ARSG: variants seen among roughly 807,000 people sequenced by gnomAD.
The protein encoded by ARSG is ASG.
Under a neutral mutation model 50.5 loss-of-function variants are expected in ARSG, and 37 were observed. The observed-to-expected ratio is 0.73, with a 90% CI of 0.56 to 0.96. ARSG has a LOEUF of 0.96. ARSG is among the 50% of genes least tolerant of loss of function. The pLI is 0.00. For synonymous variants in ARSG, 225 were observed against 254.6 expected (o/e 0.88, Z 1.11); for missense variants, 629 against 675.3 (o/e 0.93, Z 0.76).
At chr17:68,386,357 C>T (rs574189544) in intron 9 of ARSG, among the ~76,000 whole-genome samples, 2 of 152,248 alleles carry the variant, frequency 1.3e-5, no homozygotes, top group South Asian at 2.1e-4. Flanking sequence ...TGAGTTCTGG[C>T]GTAAAGAACA....
At chr17:68,308,317 T>A (rs540855348) in intron 2 of ARSG, among the ~76,000 whole-genome samples, 1 of 151,914 alleles carries the variant, frequency 6.6e-6, no homozygotes, top group East Asian at 1.9e-4. Flanking sequence ...ACGTCTGGAG[T>A]TTGTTCCTTC....
intron 11 of ARSG, among the ~76,000 whole-genome samples, chr17:68,414,683 A>G (rs186344779): frequency 2.2e-4 from 34 of 151,342 alleles, no homozygotes; most frequent in Non-Finnish European, 4.0e-4. Context: ...GTTGTTGGTA[A>G]TTTAAAAATT....
the ARSG span, chr17:68,444,559 A>C: frequency 6.2e-6 from 10 of 1,614,012 alleles, no homozygotes; most frequent in Non-Finnish European, 8.5e-6. Context: ...TTGTGAATAT[A>C]AATGGACTCT....
In ARSG at chr17:68,367,813, G is replaced by A. The variant is rs1268199738; in HGVS notation, c.705-735G>A. The stretch of plus-strand genomic sequence containing the variant: ...TGGCCAGGCACAGTGGCTCACGCCT[G>A]TAATCCCAGCACTTTGGGAGGCCGA... On this transcript the variant is annotated intron_variant, in intron 6 of 11. Coordinates refer to ENST00000621439, the MANE Select transcript of ARSG (RefSeq NM_001267727.2). This position sits in a 1 kb window ranked among gnomAD's most constrained non-coding sequence, Gnocchi z 4.5. 6.6e-6 allele frequency among the ~76,000 whole-genome samples: 1 copy of A among 152,202 alleles called. No homozygotes were observed. The highest frequency in any genetic ancestry group is 1.5e-5 in the Non-Finnish European group (1 of 68,036).
intron 2 of ARSG, among the ~76,000 whole-genome samples, chr17:68,332,951 A>C (rs544203800): frequency 6.6e-6 from 1 of 152,326 alleles, no homozygotes; most frequent in African/African-American, 2.4e-5. Context: ...CTTATGACTT[A>C]ATGTATGTGA....
chr17:68,273,408 A>T (rs1234498064), intron 1 of ARSG, among the ~76,000 whole-genome samples: 1 of 152,006 alleles, frequency 6.6e-6, no homozygotes, highest in East Asian at 1.9e-4. Flanking sequence ...TTTTGTAGAG[A>T]TGGAGTCTCC....
intron 3 of ARSG, among the ~76,000 whole-genome samples, chr17:68,345,646 C>G (rs566139525): frequency 6.6e-6 from 1 of 152,208 alleles, no homozygotes; most frequent in African/African-American, 2.4e-5. Context: ...TTTTACAACA[C>G]TCACACTTTG....
chr17:68,368,889 G>A, intron 7 of ARSG, 145 bp downstream of exon 7: 3 of 943,820 alleles, frequency 3.2e-6, no homozygotes, highest in Non-Finnish European at 4.7e-6. Context: ...AAGGCTTGCT[G>A]GCCTGAATGC....
intron 5 of ARSG, among the ~76,000 whole-genome samples, chr17:68,355,264 C>T (rs947363636): frequency 6.6e-6 from 1 of 152,172 alleles, no homozygotes; most frequent in Admixed American, 6.5e-5. Flanking sequence ...AAGTAACTTG[C>T]CAGAGATCAT....
At chr17:68,292,410 A>G (rs544630980) in intron 1 of ARSG, among the ~76,000 whole-genome samples, 1 of 152,290 alleles carries the variant, frequency 6.6e-6, no homozygotes, top group South Asian at 2.1e-4. Context: ...GGAGCTCCTC[A>G]TGGGGACAAA....
rs1568506660 is a variant in ARSG, at chr17:68,352,114, A to AG, written c.566+428_566+429insG. Among the ~76,000 whole-genome samples, 26 of 82,956 alleles carry AG rather than the reference A, an allele frequency of 3.1e-4. 2 individuals carry two copies. Among genetic ancestry groups the AG allele is most frequent in the African/African-American group, 1.2e-3 (24 of 20,540 alleles). The allele number at this position is 82,956 out of a possible 152,430, so 54.4% of individuals were successfully genotyped here. A position where few individuals can be genotyped will look rare whatever the true frequency, so the allele number is the denominator to read the frequency against. ...GAGAGAGAGAGAGAGAGAGAGAGAG[A>AG]CAGAGGAGAGAGAGAGAGAGAGACA... On this transcript the variant is annotated intron_variant, in intron 5 of 11. Transcript: ENST00000621439.
chr17:68,421,580 G>A (rs765765190), downstream of ARSG: 27 of 664,130 alleles, frequency 4.1e-5, no homozygotes, highest in Non-Finnish European at 4.6e-5. Flanking sequence ...AATGTCTCCC[G>A]CGCCCATTGG....
At chr17:68,321,446 C>G (rs574191353) in intron 2 of ARSG, among the ~76,000 whole-genome samples, 6 of 152,288 alleles carry the variant, frequency 3.9e-5, no homozygotes, top group Non-Finnish European at 8.8e-5. Context: ...TCCCATCTCC[C>G]AACCCTGTCC....
chr17:68,375,365 T>C (rs2080093232), intron 8 of ARSG, among the ~76,000 whole-genome samples: 1 of 152,166 alleles, frequency 6.6e-6, no homozygotes, highest in Non-Finnish European at 1.5e-5. Flanking sequence ...ACCTGAGAAA[T>C]TGTTAACAGT....
intron 10 of ARSG, among the ~76,000 whole-genome samples, chr17:68,397,050 C>T (rs2081278758): frequency 1.3e-5 from 2 of 152,180 alleles, no homozygotes; most frequent in African/African-American, 4.8e-5. Flanking sequence ...CTCTCCTTGA[C>T]GTTGTCGGTA....
At chr17:68,429,012 C>A in the ARSG span, 1 of 1,117,084 alleles carries the variant, frequency 9.0e-7, no homozygotes. Context: ...ACAAAGCCCC[C>A]CTCACCCTAG....
In ARSG at chr17:68,378,060, TG is replaced by T. The variant is rs2080239232; in HGVS notation, c.983-7002del. On this transcript the variant is annotated intron_variant, in intron 8 of 11. Coordinates refer to ENST00000621439, the MANE Select transcript of ARSG (RefSeq NM_001267727.2). The surrounding 1 kb of genome is among the most constrained non-coding windows in gnomAD (Gnocchi z 4.4). The stretch of plus-strand genomic sequence containing the variant: ...CACAGCCTCCTTCTTCCTCTCTGCC[TG>T]GAATGCTGCTGGAGCTCTGGGAAGC... Among the ~76,000 whole-genome samples, 1 of 152,190 alleles carries T rather than the reference TG, an allele frequency of 6.6e-6. No individual in the cohort carries two copies. The highest frequency in any genetic ancestry group is 6.5e-5 in the Admixed American group (1 of 15,276).
At chr17:68,277,121 A>G (rs887348249) in intron 1 of ARSG, among the ~76,000 whole-genome samples, 5 of 151,982 alleles carry the variant, frequency 3.3e-5, no homozygotes, top group African/African-American at 1.2e-4. Flanking sequence ...GGGGCCTGGT[A>G]TGTCAGCAAT....
upstream of ARSG, among the ~76,000 whole-genome samples, chr17:68,289,467 C>T (rs536927518): frequency 1.3e-5 from 2 of 152,302 alleles, no homozygotes; most frequent in South Asian, 4.1e-4. Flanking sequence ...AGTTTCAAAA[C>T]GCAGGCTCTG....
Sources: gnomAD v4.1 joint callset for allele counts (sites outside exome capture counted in the v4.1 genomes callset) on GRCh38, gnomAD v4.1.1 for gene constraint, Gnocchi (gnomAD v3.1) non-coding constraint, MANE v1.5 for transcripts, NCBI Gene and HGNC (gene_info 2026-07-23, HGNC 2026-07-21) for gene names.